Variants in KIF5B observed in about 807,000 individuals in gnomAD.
KIF5B encodes the protein kinesin family member 5B.
Under a neutral mutation model 132.8 loss-of-function variants are expected in KIF5B, and 49 were observed. The observed-to-expected ratio is 0.37, with a 90% CI of 0.29 to 0.47. The LOEUF (loss-of-function observed/expected upper bound fraction) is 0.47, where lower values mean the gene tolerates loss of function less well. Among genes scored for constraint, KIF5B ranks in the 20% least tolerant of loss-of-function variants. The pLI, the probability that KIF5B is intolerant of heterozygous loss-of-function variation, is 1.00. For missense variants in KIF5B, 780 were observed against 1,144.0 expected (o/e 0.68, Z 4.59); for synonymous variants, 355 against 369.4 (o/e 0.96, Z 0.45).
chr10:32,033,864 T>C lies in KIF5B; in HGVS notation c.1286A>G (p.Tyr429Cys). ...ACCTACCTTGTCATCAAGCTGTTTG[T>C]ATAATTTAGCAATTTCTTCTTCACA... ...RKCEEEIAKL[Y>C]KQLDDKDEEI... Residue 429 changes from tyrosine to cysteine, a missense_variant, in exon 12 of 26, where the codon TAC (tyrosine) becomes TGC (cysteine). Coordinates refer to ENST00000302418, the MANE Select transcript of KIF5B (RefSeq NM_004521.3). 1 of 1,612,496 alleles carries C rather than the reference T, an allele frequency of 6.2e-7. No individual in the cohort carries two copies. Among genetic ancestry groups the C allele is most frequent in the South Asian group, 1.1e-5 (1 of 90,942 alleles).
intron 2 of KIF5B, among the ~76,000 whole-genome samples, chr10:32,046,970 T>C (rs530596233): frequency 4.6e-5 from 7 of 152,214 alleles, no homozygotes; most frequent in Non-Finnish European, 8.8e-5. Flanking sequence ...TACACTGATC[T>C]ACAGTTCAGC....
chr10:32,022,297 T>C (rs1333522253), intron 16 of KIF5B, 40 bp from the exon 17 acceptor site: 2 of 913,434 alleles, frequency 2.2e-6, no homozygotes, highest in Non-Finnish European at 3.6e-6. Flanking sequence ...GGAAAACATA[T>C]GCATACACTT....
chr10:32,014,853 T>G (rs1841136702), intron 25 of KIF5B, among the ~76,000 whole-genome samples: 1 of 152,216 alleles, frequency 6.6e-6, no homozygotes, highest in African/African-American at 2.4e-5. Context: ...TCGGGCGCGG[T>G]GGCTCACGCC....
At position 32,018,525 on chromosome 10, in the gene KIF5B, A is replaced by C. The variant is rs1192160119; in HGVS notation, c.2344T>G (p.Leu782Val). 60 of 1,613,374 alleles carry C rather than the reference A, an allele frequency of 3.7e-5. No homozygotes were observed. Among genetic ancestry groups the C allele is most frequent in the Non-Finnish European group, 4.7e-5 (56 of 1,179,672 alleles). The change falls in exon 21 of 26, where the codon TTG (leucine) becomes GTG (valine). Residue 782 changes from leucine to valine, a missense_variant. Leu to Val is a conservative substitution (Grantham distance 32). Transcript: ENST00000302418. ...QDRREQARQD[L>V]KGLEETVAKE... ...ACCACTGTCTCTTCCAAACCCTTCA[A>C]GTCTTGTCTTGCTTGTTCTCGTCTA... is the stretch of plus-strand genomic sequence containing the variant.
intron 12 of KIF5B, among the ~76,000 whole-genome samples, chr10:32,033,084 G>A (rs188545846): frequency 5.9e-5 from 9 of 151,934 alleles, no homozygotes; most frequent in Non-Finnish European, 1.2e-4. Flanking sequence ...ATTCTATTAC[G>A]TTCTTAGTTT....
intron 20 of KIF5B, among the ~76,000 whole-genome samples, chr10:32,019,030 C>CA (rs1841221894): frequency 6.6e-6 from 1 of 151,792 alleles, no homozygotes; most frequent in Non-Finnish European, 1.5e-5. Context: ...TTCTAAACAA[C>CA]AGTCTATTGT....
chr10:32,035,717 A>G, intron 9 of KIF5B, 50 bp from the exon 10 acceptor site: 9 of 1,531,320 alleles, frequency 5.9e-6, no homozygotes, highest in Non-Finnish European at 7.9e-6. Flanking sequence ...ATAAAATGTT[A>G]TTATAAAATA....
chr10:32,013,989 T>C (rs1307395557), intron 25 of KIF5B, among the ~76,000 whole-genome samples: 4 of 152,204 alleles, frequency 2.6e-5, no homozygotes, highest in Admixed American at 6.5e-5. Flanking sequence ...TTATGCAAAA[T>C]GTCGAAGTAT....
intron 5 of KIF5B, 141 bp downstream of exon 5, chr10:32,038,637 A>G (rs1841492018): frequency 1.7e-6 from 1 of 596,878 alleles, no homozygotes; most frequent in Admixed American, 3.3e-5. Context: ...TTCAACTAAA[A>G]CTTTAGAAGA....
intron 1 of KIF5B, among the ~76,000 whole-genome samples, chr10:32,049,450 G>A (rs1053397611): frequency 6.6e-6 from 1 of 152,180 alleles, no homozygotes; most frequent in Non-Finnish European, 1.5e-5. Context: ...TAGTCATGAA[G>A]GGTGAAAAAG....
chr10:32,012,520 G>T (rs543199169), intron 25 of KIF5B, among the ~76,000 whole-genome samples: 4 of 152,156 alleles, frequency 2.6e-5, no homozygotes, highest in Non-Finnish European at 5.9e-5. Context: ...GTTTAAGATA[G>T]ATTATAAGAG....
intron 20 of KIF5B, among the ~76,000 whole-genome samples, chr10:32,019,067 G>A (rs1564463015): frequency 6.6e-6 from 1 of 152,146 alleles, no homozygotes; most frequent in African/African-American, 2.4e-5. Context: ...AGCAATGGAA[G>A]AGATGAAATA....
intron 9 of KIF5B, 70 bp downstream of exon 9, chr10:32,035,820 C>T: frequency 7.5e-7 from 1 of 1,331,334 alleles, no homozygotes; most frequent in Non-Finnish European, 1.1e-6. Context: ...CACACCCAGG[C>T]ACACATATAC....
intron 8 of KIF5B, 95 bp downstream of exon 8, chr10:32,037,158 TA>T: frequency 8.6e-7 from 1 of 1,156,310 alleles, no homozygotes; most frequent in Non-Finnish European, 1.2e-6. Context: ...TCCAGTTTGG[TA>T]AGTAAGATGC....
chr10:32,037,077 T>C (rs1476657417), intron 8 of KIF5B, among the ~76,000 whole-genome samples, 177 bp downstream of exon 8: 1 of 152,164 alleles, frequency 6.6e-6, no homozygotes, highest in Non-Finnish European at 1.5e-5. Context: ...AACAGTAACT[T>C]GGAACTGATT....
chr10:32,046,451 C>T (rs1841612042), intron 2 of KIF5B, among the ~76,000 whole-genome samples: 1 of 152,184 alleles, frequency 6.6e-6, no homozygotes, highest in Admixed American at 6.5e-5. Context: ...ACCCAGTTCA[C>T]TCTCTCTCAC....
In KIF5B at chr10:32,018,164, A is replaced by C; in HGVS notation, c.2440-8T>G. On this transcript the variant is annotated splice_polypyrimidine_tract_variant and splice_region_variant and intron_variant, in intron 22 of 25. Transcript: ENST00000302418. The stretch of plus-strand genomic sequence containing the variant: ...AGAATCAATCTCAGCACTCTGAGAA[A>C]AGAAGGTAAGTATTACAAAAAAATT... 2 of 1,574,466 alleles carry C rather than the reference A, an allele frequency of 1.3e-6. No homozygotes were observed. The highest frequency in any genetic ancestry group is 1.7e-6 in the Non-Finnish European group (2 of 1,157,990).
At chr10:32,034,967 A>G in intron 10 of KIF5B, 129 bp from the exon 11 acceptor site, 1 of 591,322 alleles carries the variant, frequency 1.7e-6, no homozygotes, top group East Asian at 3.4e-5. Flanking sequence ...TAAATACTAA[A>G]AGCCGCAACA....
At chr10:32,032,830 T>C in intron 12 of KIF5B, 56 bp from the exon 13 acceptor site, 1 of 1,293,650 alleles carries the variant, frequency 7.7e-7, no homozygotes, top group South Asian at 1.2e-5. Flanking sequence ...TCTAGTTGTT[T>C]CCCAATACAG....
Sources: allele counts gnomAD v4.1 joint callset (sites outside exome capture counted in the v4.1 genomes callset), GRCh38; gene constraint gnomAD v4.1.1; transcripts MANE v1.5; gene names NCBI Gene and HGNC (gene_info 2026-07-23, HGNC 2026-07-21).